SYK: variants seen among roughly 807,000 people sequenced by gnomAD.
The protein encoded by SYK is tyrosine-protein kinase SYK.
SYK carries 16 observed loss-of-function variants against 77.8 expected under a neutral mutation model. The observed-to-expected ratio is 0.21, with a 90% CI of 0.14 to 0.31. The LOEUF (loss-of-function observed/expected upper bound fraction) is 0.31. Ranked by LOEUF, SYK falls within the 10% of genes least tolerant of loss-of-function variation. The pLI is 1.00. For synonymous variants in SYK, 312 were observed against 308.7 expected, an observed-to-expected ratio of 1.01 and a Z score of -0.11; for missense variants, 529 against 814.4, an observed-to-expected ratio of 0.65 and a Z score of 4.26.
intron 1 of SYK, among the ~76,000 whole-genome samples, chr9:90,832,584 G>A (rs776115227): frequency 7.9e-5 from 12 of 152,262 alleles, no homozygotes; most frequent in Non-Finnish European, 8.8e-5. Flanking sequence ...TTAGCTCCAC[G>A]TACCTCTTCA....
At chr9:90,837,800 A>G (rs1826144536) in intron 1 of SYK, among the ~76,000 whole-genome samples, 1 of 152,188 alleles carries the variant, frequency 6.6e-6, no homozygotes, top group Non-Finnish European at 1.5e-5. Context: ...AAGAAAAGCT[A>G]CTCAGAGGAC....
chr9:90,818,029 C>G (rs1825360353), intron 1 of SYK, among the ~76,000 whole-genome samples: 1 of 152,186 alleles, frequency 6.6e-6, no homozygotes, highest in African/African-American at 2.4e-5. Flanking sequence ...CTGTGTATAT[C>G]CTTCCACTCT....
At chr9:90,841,229 G>A (rs1046549593) in intron 1 of SYK, among the ~76,000 whole-genome samples, 1 of 151,758 alleles carries the variant, frequency 6.6e-6, no homozygotes, top group African/African-American at 2.4e-5. Context: ...TGTGTCGTGT[G>A]TATGTAGTTT....
At chr9:90,846,656 C>CA (rs1286123367) in intron 3 of SYK, among the ~76,000 whole-genome samples, 2 of 69,410 alleles carry the variant, frequency 2.9e-5, no homozygotes, top group Non-Finnish European at 5.6e-5. Context: ...GGCCCTGTCT[C>CA]AAAAAAAGAA....
intron 13 of SYK, among the ~76,000 whole-genome samples, chr9:90,888,877 G>A (rs1347594553): frequency 1.3e-5 from 2 of 152,132 alleles, no homozygotes; most frequent in Non-Finnish European, 2.9e-5. Context: ...TTTAAATGTC[G>A]ATAATGGTGG....
intron 3 of SYK, among the ~76,000 whole-genome samples, chr9:90,849,427 G>A (rs1265430616): frequency 3.3e-5 from 5 of 152,116 alleles, no homozygotes; most frequent in Non-Finnish European, 7.3e-5. Flanking sequence ...TCAATGAATT[G>A]TTTGGATCCA....
At position 90,896,577 on chromosome 9, in the gene SYK, A is replaced by C. The variant is rs1828997985; in HGVS notation, c.*977A>C. Reference sequence around the variant, plus strand: ...AGCCATCTAAAGAGTTTCCAAAGAAAGTATTAATTCAGAACAAGCCAAAGA... The same window carrying C: ...AGCCATCTAAAGAGTTTCCAAAGAACGTATTAATTCAGAACAAGCCAAAGA... On this transcript the variant is annotated 3_prime_UTR_variant, in exon 14 of 14. Coordinates refer to ENST00000375754, the MANE Select transcript of SYK (RefSeq NM_003177.7). The C allele has an allele frequency of 4.3e-6, 1 of 232,880 alleles. No individual in the cohort carries two copies. Among genetic ancestry groups the C allele is most frequent in the South Asian group, 1.8e-4 (1 of 5,522 alleles). 14.4% of individuals were successfully genotyped at this position (232,880 alleles called of 1,614,324 possible).
intron 1 of SYK, among the ~76,000 whole-genome samples, chr9:90,833,236 C>T: frequency 6.6e-6 from 1 of 152,234 alleles, no homozygotes; most frequent in East Asian, 1.9e-4. Context: ...ATCTTGGAGG[C>T]TGCCTGCCAT....
intron 7 of SYK, among the ~76,000 whole-genome samples, chr9:90,869,443 A>C (rs930144279): frequency 5.3e-5 from 8 of 152,224 alleles, no homozygotes; most frequent in African/African-American, 1.9e-4. Context: ...GTAAGGTTTA[A>C]GCTATAGATT....
At chr9:90,838,870 G>A (rs1010113990) in intron 1 of SYK, among the ~76,000 whole-genome samples, 8 of 152,224 alleles carry the variant, frequency 5.3e-5, no homozygotes, top group Non-Finnish European at 8.8e-5. Flanking sequence ...AGCATCAGGC[G>A]GGAAGGACTG....
rs1431973609 is a variant in SYK, at chr9:90,884,468, T to C, written c.1582-3281T>C. ...ATACATACACATACACATATGTGTG[T>C]ACATATACATACACACACATACACA... On this transcript the variant is annotated intron_variant, in intron 11 of 13. Transcript: ENST00000375754. 1.3e-4 allele frequency among the ~76,000 whole-genome samples: 5 copies of C among 39,938 alleles called. 2 individuals carry two copies. Among genetic ancestry groups the C allele is most frequent in the East Asian group, 2.5e-3 (2 of 792 alleles). The allele number at this position is 39,938 out of a possible 152,430, so 26.2% of individuals were successfully genotyped here.
At chr9:90,874,460 T>C (rs1189511168) in intron 8 of SYK, among the ~76,000 whole-genome samples, 169 bp downstream of exon 8, 4 of 152,206 alleles carry the variant, frequency 2.6e-5, no homozygotes, top group Non-Finnish European at 4.4e-5. Context: ...CACATGCCCA[T>C]GAGCAGTGAT....
chr9:90,845,479 G>A lies in SYK; in HGVS notation c.463G>A (p.Glu155Lys). 1 of 1,614,176 alleles carries A rather than the reference G, an allele frequency of 6.2e-7. No individual in the cohort carries two copies. The highest frequency in any genetic ancestry group is 8.5e-7 in the Non-Finnish European group (1 of 1,180,026). Residue 155 changes from glutamate (E) to lysine (K), a missense_variant, in exon 3 of 14, where the codon GAG becomes AAG. Physicochemically the swap from Glu to Lys is moderately conservative, Grantham distance 56. Around this residue, in one of 2 missense-constraint regions of SYK, gnomAD observed 321 missense variants for 433.1 expected, o/e 0.74. Transcript: ENST00000375754. ...CATCATCAGTCAGAAGCCTCAGCTGGAGAAGCTGATCGCTACCACAGCCCA... is the reference window on the plus strand; with the variant it reads ...CATCATCAGTCAGAAGCCTCAGCTGAAGAAGCTGATCGCTACCACAGCCCA... ...QAIISQKPQL[E>K]KLIATTAHEK...
intron 1 of SYK, among the ~76,000 whole-genome samples, chr9:90,826,328 C>T (rs1302530425): frequency 1.3e-5 from 2 of 152,256 alleles, no homozygotes; most frequent in African/African-American, 4.8e-5. Context: ...TTGTGCACAT[C>T]AGTTGATAAC....
intron 7 of SYK, 122 bp downstream of exon 7, chr9:90,867,321 G>T: frequency 9.8e-7 from 1 of 1,023,156 alleles, no homozygotes. Context: ...TCTGCTTCCA[G>T]GCCTCTTTGC....
At chr9:90,851,269 T>A (rs17489429) in intron 3 of SYK, among the ~76,000 whole-genome samples, 36,333 of 152,122 alleles carry the variant, frequency 0.24, 5,045 homozygotes, top group South Asian at 0.35. Flanking sequence ...CCATGTGAAA[T>A]CTCAGAACAC....
chr9:90,875,700 T>A (rs1019533183), intron 9 of SYK, among the ~76,000 whole-genome samples: 3 of 152,244 alleles, frequency 2.0e-5, no homozygotes, highest in Non-Finnish European at 4.4e-5. Context: ...TGATTTCAGA[T>A]AACAATACAT....
intron 3 of SYK, among the ~76,000 whole-genome samples, chr9:90,849,797 T>A (rs751095866): frequency 7.9e-5 from 12 of 152,250 alleles, no homozygotes; most frequent in Non-Finnish European, 1.3e-4. Context: ...TCTGTTTCCT[T>A]CATTTCTTTG....
At chr9:90,885,328 A>T (rs549909975) in intron 11 of SYK, among the ~76,000 whole-genome samples, 18 of 152,268 alleles carry the variant, frequency 1.2e-4, no homozygotes, top group Admixed American at 2.6e-4. Context: ...AAAGAAATAG[A>T]TATTTTTAAA....
Sources: allele counts gnomAD v4.1 joint callset (sites outside exome capture counted in the v4.1 genomes callset), GRCh38; gene constraint gnomAD v4.1.1; regional missense constraint gnomAD v4.1.1; transcripts MANE v1.5; gene names NCBI Gene and HGNC (gene_info 2026-07-23, HGNC 2026-07-21).